Variants in NAALADL2 observed in about 807,000 individuals in gnomAD.
The protein encoded by NAALADL2 is inactive N-acetylated-alpha-linked acidic dipeptidase-like protein 2.
Under a neutral mutation model 87.2 loss-of-function variants are expected in NAALADL2, and 76 were observed. The ratio of observed to expected loss-of-function variants is 0.87; its 90% CI spans 0.72 to 1.05. The LOEUF is 1.05. Ranked by LOEUF, NAALADL2 falls within the 50% of genes least tolerant of loss-of-function variation. The probability of loss-of-function intolerance (pLI) is 0.00; values close to 1 mark genes in which losing one functional copy is unlikely to be tolerated. For synonymous variants in NAALADL2, 354 were observed against 331.0 expected, an observed-to-expected ratio of 1.07 and a Z score of -0.75; for missense variants, 1,089 against 945.8, an observed-to-expected ratio of 1.15 and a Z score of -1.99.
chr3:175,254,524 C>T (rs1485120755), intron 3 of NAALADL2, among the ~76,000 whole-genome samples: 1 of 152,130 alleles, frequency 6.6e-6, no homozygotes, highest in Admixed American at 6.6e-5. Flanking sequence ...TATACACAAT[C>T]TGATCTATAT....
chr3:175,463,333 A>C (rs2149268113), intron 6 of NAALADL2, 68 bp from the exon 7 acceptor site: 1 of 1,000,596 alleles, frequency 1.0e-6, no homozygotes, highest in Non-Finnish European at 1.5e-6. Flanking sequence ...GGATAAAATA[A>C]ATTTTAAGGT....
rs1337460296 is a variant in NAALADL2 at position 174,583,271 on chromosome 3, A to C, written c.-115+32634A>C. ...GCACTTTTAAACATGCTGCTCCCTGAATAATTTTTTTCCATTAAGTTCTTT... is the reference window on the plus strand; with the variant it reads ...GCACTTTTAAACATGCTGCTCCCTGCATAATTTTTTTCCATTAAGTTCTTT... On this transcript the variant is annotated intron_variant, in intron 2 of 3. Coordinates refer to the NAALADL2 transcript ENST00000434257. Among the ~76,000 whole-genome samples, 4 of 152,174 alleles carry C rather than the reference A, an allele frequency of 2.6e-5. No homozygotes were observed. The East Asian group carries it at 5.8e-4, about 22-fold the overall frequency.
At chr3:175,188,197 GCAGTGA>G (rs1737624885) in intron 2 of NAALADL2, among the ~76,000 whole-genome samples, 1 of 152,132 alleles carries the variant, frequency 6.6e-6, no homozygotes, top group African/African-American at 2.4e-5. Context: ...ATACCTGGCA[GCAGTGA>G]TAAAGTGATG....
At chr3:175,592,909 GA>G (rs1440791000) in intron 10 of NAALADL2, among the ~76,000 whole-genome samples, 6 of 151,388 alleles carry the variant, frequency 4.0e-5, no homozygotes, top group Admixed American at 6.6e-5. Context: ...ATAAAAAAAA[GA>G]AAAAAAAGCT....
At chr3:175,552,478 C>T (rs1714576878) in intron 9 of NAALADL2, among the ~76,000 whole-genome samples, 1 of 152,138 alleles carries the variant, frequency 6.6e-6, no homozygotes, top group East Asian at 1.9e-4. Context: ...TGTTGAACAT[C>T]CAGTTTATGT....
chr3:175,243,994 C>A (rs78793365), intron 3 of NAALADL2, among the ~76,000 whole-genome samples: 1 of 152,122 alleles, frequency 6.6e-6, no homozygotes, highest in Non-Finnish European at 1.5e-5. Context: ...CCTCAAGCAA[C>A]TGGGACTGAC....
chr3:175,563,951 G>A (rs1207223218), intron 9 of NAALADL2, among the ~76,000 whole-genome samples: 5 of 152,092 alleles, frequency 3.3e-5, no homozygotes, highest in Non-Finnish European at 7.4e-5. Flanking sequence ...CAGTTAGTTT[G>A]GCCCACAGTT....
chr3:175,753,257 G>C (rs915237146), intron 12 of NAALADL2, among the ~76,000 whole-genome samples: 1 of 152,246 alleles, frequency 6.6e-6, no homozygotes, highest in South Asian at 2.1e-4. Context: ...TTTTTAACTA[G>C]ATTGTGGGAT....
At chr3:175,245,084 T>C (rs907237384) in intron 3 of NAALADL2, among the ~76,000 whole-genome samples, 22 of 152,230 alleles carry the variant, frequency 1.4e-4, no homozygotes, top group African/African-American at 4.8e-4. Context: ...TGTTTTCTCC[T>C]TTTTTTCTCC....
At chr3:175,590,571 T>C (rs897417974) in intron 10 of NAALADL2, among the ~76,000 whole-genome samples, 1 of 152,132 alleles carries the variant, frequency 6.6e-6, no homozygotes, top group African/African-American at 2.4e-5. Context: ...AAGGTATGAA[T>C]CTATCTGCAG....
intron 1 of NAALADL2, among the ~76,000 whole-genome samples, chr3:175,085,881 G>C (rs1175474659): frequency 6.6e-6 from 1 of 152,192 alleles, no homozygotes; most frequent in Non-Finnish European, 1.5e-5. Flanking sequence ...TCGTGCCACT[G>C]CACTCCAGCC....
chr3:174,611,837 C>T (rs1490849515), intron 2 of NAALADL2, among the ~76,000 whole-genome samples: 2 of 151,922 alleles, frequency 1.3e-5, no homozygotes, highest in African/African-American at 2.4e-5. Flanking sequence ...CCTTGTGTTC[C>T]ACCTGCTTCT....
chr3:175,612,134 A>G (rs1724730115), intron 10 of NAALADL2, among the ~76,000 whole-genome samples: 1 of 152,206 alleles, frequency 6.6e-6, no homozygotes, highest in Non-Finnish European at 1.5e-5. Context: ...ATAGAAATAT[A>G]TACATAATTT....
In NAALADL2 at chr3:174,800,173, T is replaced by G. The variant is rs536102550; in HGVS notation, c.-9+62427T>G. 2.0e-5 allele frequency among the ~76,000 whole-genome samples: 3 copies of G among 152,250 alleles called. No homozygotes were observed. In the South Asian group the frequency reaches 6.2e-4, roughly 32 times the overall value. On this transcript the variant is annotated intron_variant, in intron 3 of 3. Transcript: ENST00000434257. ...GAGAAATTCAAACTGGCTGCAGAAATTTGCATAAGTAACGAGGAGCTGAAT... is the reference window on the plus strand; with the variant it reads ...GAGAAATTCAAACTGGCTGCAGAAAGTTGCATAAGTAACGAGGAGCTGAAT...
chr3:175,243,816 A>C (rs767725030), intron 3 of NAALADL2, among the ~76,000 whole-genome samples: 1 of 152,172 alleles, frequency 6.6e-6, no homozygotes, highest in Admixed American at 6.5e-5. Context: ...AGATTTCCCA[A>C]GGTCTGAAAT....
chr3:175,170,746 A>G (rs1460077910), intron 2 of NAALADL2, among the ~76,000 whole-genome samples: 1 of 151,564 alleles, frequency 6.6e-6, no homozygotes. Context: ...TAATTAAATT[A>G]TGGAAATTCA....
At chr3:174,970,696 T>C (rs1403115513) in intron 1 of NAALADL2, among the ~76,000 whole-genome samples, 1 of 152,192 alleles carries the variant, frequency 6.6e-6, no homozygotes. Context: ...TTTCACTCTA[T>C]TTTCCGTTGC....
intron 10 of NAALADL2, among the ~76,000 whole-genome samples, chr3:175,594,909 G>A (rs983752319): frequency 2.0e-5 from 3 of 151,764 alleles, no homozygotes; most frequent in Admixed American, 6.6e-5. Context: ...GACTTTTGTT[G>A]GATGCATAAT....
intron 2 of NAALADL2, among the ~76,000 whole-genome samples, chr3:175,196,851 T>C (rs1239953818): frequency 6.6e-6 from 1 of 151,926 alleles, no homozygotes; most frequent in Non-Finnish European, 1.5e-5. Context: ...CGATCTAGGG[T>C]ACATATCAAG....
Sources: gnomAD v4.1 joint callset for allele counts (sites outside exome capture counted in the v4.1 genomes callset) on GRCh38, gnomAD v4.1.1 for gene constraint, MANE v1.5 for transcripts, NCBI Gene and HGNC (gene_info 2026-07-23, HGNC 2026-07-21) for gene names.